Variants in NTRK3 observed in about 807,000 individuals in gnomAD.
The protein encoded by NTRK3 is neurotrophic receptor tyrosine kinase 3, also known as NT-3 growth factor receptor.
In NTRK3, 24 loss-of-function variants were observed where a neutral mutation model predicts 91.7. The observed-to-expected ratio is 0.26, with a 90% CI of 0.19 to 0.37. NTRK3 has a LOEUF of 0.37. Among genes scored for constraint, NTRK3 ranks in the 10% least tolerant of loss-of-function variants. The probability of loss-of-function intolerance (pLI) is 1.00; values close to 1 mark genes in which losing one functional copy is unlikely to be tolerated. For synonymous variants in NTRK3, 483 were observed against 404.0 expected (o/e 1.20, Z -2.34); for missense variants, 880 against 1,068.9 (o/e 0.82, Z 2.46).
chr15:88,220,117 GATAAA>G (rs1050043297), intron 3 of NTRK3, among the ~76,000 whole-genome samples: 3 of 152,080 alleles, frequency 2.0e-5, no homozygotes, highest in African/African-American at 7.2e-5. Context: ...AATATAATAA[GATAAA>G]ATAAAATAAA....
chr15:88,079,994 C>T (rs2047904571), intron 13 of NTRK3, among the ~76,000 whole-genome samples: 1 of 152,030 alleles, frequency 6.6e-6, no homozygotes, highest in Non-Finnish European at 1.5e-5. Context: ...TTCTATGTAA[C>T]AAATACCGTA....
At chr15:87,972,461 G>A (rs2073338703) in intron 14 of NTRK3, among the ~76,000 whole-genome samples, 1 of 152,104 alleles carries the variant, frequency 6.6e-6, no homozygotes, top group South Asian at 2.1e-4. Flanking sequence ...GCTGAGCAGG[G>A]GATTTTGACC....
chr15:88,081,171 G>A (rs2048008259), intron 13 of NTRK3, among the ~76,000 whole-genome samples: 1 of 152,150 alleles, frequency 6.6e-6, no homozygotes, highest in Non-Finnish European at 1.5e-5. Flanking sequence ...GAGTGTGCCT[G>A]GCCAGGCTGA....
intron 14 of NTRK3, among the ~76,000 whole-genome samples, chr15:88,008,634 T>C (rs2076655243): frequency 6.6e-6 from 1 of 152,130 alleles, no homozygotes; most frequent in Admixed American, 6.6e-5. Context: ...AGTTCCCAGT[T>C]CTGAGTCCCA....
chr15:87,953,433 G>T (rs2071346246), intron 14 of NTRK3, among the ~76,000 whole-genome samples: 1 of 152,196 alleles, frequency 6.6e-6, no homozygotes, highest in African/African-American at 2.4e-5. Context: ...ACATAGAGAA[G>T]TGTGAGGTTT....
In NTRK3 at chr15:87,963,476, C is replaced by A. The variant is rs577921353; in HGVS notation, c.1586-22723G>T. ...GACAGTCCCCCACTGAACGATGGTT[C>A]GACTTGGGACTTTTCAATTTCACTA... is the stretch of plus-strand genomic sequence containing the variant. On this transcript the variant is annotated intron_variant, in intron 14 of 18. Coordinates refer to ENST00000394480, the Ensembl canonical transcript of NTRK3. Among the ~76,000 whole-genome samples the A allele has an allele frequency of 4.6e-5, 7 of 152,252 alleles. No individual in the cohort carries two copies. The East Asian group carries it at 7.7e-4, about 17-fold the overall frequency.
intron 5 of NTRK3, among the ~76,000 whole-genome samples, chr15:88,169,285 A>G (rs1457499173): frequency 6.6e-6 from 1 of 152,222 alleles, no homozygotes; most frequent in East Asian, 1.9e-4. Context: ...ATGTTTAATC[A>G]GCCTCCTTGC....
chr15:88,253,104 C>T (rs1026196391), intron 3 of NTRK3: 4 of 152,294 alleles, frequency 2.6e-5, no homozygotes, highest in Admixed American at 2.0e-4. Context: ...CTGTGGAGGC[C>T]TCAGCATCTT....
chr15:87,924,951 T>C (rs995949094), intron 17 of NTRK3, among the ~76,000 whole-genome samples: 2 of 152,106 alleles, frequency 1.3e-5, no homozygotes, highest in Non-Finnish European at 2.9e-5. Flanking sequence ...TCTCCCCAAA[T>C]CAAAACATCT....
rs61653896 is a variant in NTRK3 at position 87,954,007 on chromosome 15, A to AGTGTGTGTGTGTGTGT, written c.1586-13270_1586-13255dup. ...TGCTCTGCTCCTGCCAGACCTTTTC[A>AGTGTGTGTGTGTGTGT]GTGTGTGTGTGTGTGTGTGTGTGTG... is the stretch of plus-strand genomic sequence containing the variant. On this transcript the variant is annotated intron_variant, in intron 14 of 18. Coordinates refer to ENST00000394480, the Ensembl canonical transcript of NTRK3. 4.6e-4 allele frequency among the ~76,000 whole-genome samples: 59 copies of AGTGTGTGTGTGTGTGT among 127,740 alleles called. 1 individual carries two copies. Among genetic ancestry groups the AGTGTGTGTGTGTGTGT allele is most frequent in the African/African-American group, 1.5e-3 (52 of 34,592 alleles). 83.8% of individuals were successfully genotyped at this position (127,740 alleles called of 152,430 possible).
intron 12 of NTRK3, 113 bp downstream of exon 12, chr15:88,127,049 T>C (rs1567472882): frequency 3.1e-6 from 3 of 955,600 alleles, no homozygotes; most frequent in East Asian, 5.2e-5. Context: ...ATTCATTACT[T>C]TTTTTTTTCA....
Position 88,158,731 on chromosome 15 carries a change from C to T in NTRK3, c.396-11328G>A, listed in dbSNP as rs373239457. ...AGCTCTCTCTGGAGTCCCAGGTGGG[C>T]GCTGCCAGGCAGATGCTGGGCCTTT... On this transcript the variant is annotated intron_variant, in intron 5 of 18. Transcript: ENST00000394480. Among the ~76,000 whole-genome samples, 264 of 152,240 alleles carry T rather than the reference C, an allele frequency of 1.7e-3. 1 individual carries two copies. The highest frequency in any genetic ancestry group is 5.9e-3 in the African/African-American group (245 of 41,526).
intron 17 of NTRK3, among the ~76,000 whole-genome samples, chr15:87,917,152 A>T (rs1265847867): frequency 1.3e-5 from 2 of 152,256 alleles, no homozygotes; most frequent in African/African-American, 4.8e-5. Context: ...ATTTATCTCC[A>T]CTAAGGACAT....
intron 13 of NTRK3, among the ~76,000 whole-genome samples, chr15:88,040,856 T>A (rs2079541479): frequency 6.6e-6 from 1 of 152,214 alleles, no homozygotes; most frequent in Non-Finnish European, 1.5e-5. Flanking sequence ...CTGGGCACTT[T>A]CTTCTCATCT....
chr15:87,921,121 A>G (rs943296254), intron 17 of NTRK3, among the ~76,000 whole-genome samples: 2 of 152,224 alleles, frequency 1.3e-5, no homozygotes, highest in Non-Finnish European at 2.9e-5. Flanking sequence ...ACTCTCAAAT[A>G]AAATTTTATT....
intron 13 of NTRK3, among the ~76,000 whole-genome samples, chr15:88,060,733 G>A (rs184264599): frequency 3.3e-5 from 5 of 152,204 alleles, no homozygotes; most frequent in African/African-American, 1.2e-4. Flanking sequence ...ATGGGTTGGG[G>A]TAGAAGTGGA....
chr15:87,867,774 A>C (rs1303809539), exon 19 of NTRK3: 1 of 228,104 alleles, frequency 4.4e-6, no homozygotes, highest in Non-Finnish European at 8.7e-6. Context: ...TAACCTGCTT[A>C]AACTACTTCA....
intron 13 of NTRK3, among the ~76,000 whole-genome samples, chr15:88,125,837 C>T (rs1341202676): frequency 5.9e-5 from 9 of 152,144 alleles, no homozygotes; most frequent in Admixed American, 3.3e-4. Context: ...TTTTCAATGC[C>T]GGAGTCTACC....
chr15:87,955,689 GGCACGACC>G (rs2071583691), intron 14 of NTRK3, among the ~76,000 whole-genome samples: 1 of 152,130 alleles, frequency 6.6e-6, no homozygotes, highest in Non-Finnish European at 1.5e-5. Flanking sequence ...CTTGCCAACA[GGCACGACC>G]ATTGGCCCCA....
Sources: gnomAD v4.1 joint callset for allele counts (sites outside exome capture counted in the v4.1 genomes callset) on GRCh38, gnomAD v4.1.1 for gene constraint, MANE v1.5 for transcripts, NCBI Gene and HGNC (gene_info 2026-07-23, HGNC 2026-07-21) for gene names.